ASB5: variants seen among roughly 807,000 people sequenced by gnomAD.
ASB5 encodes ankyrin repeat and SOCS box containing 5.
Under a neutral mutation model 42.1 loss-of-function variants are expected in ASB5, and 45 were observed. That is an observed-to-expected ratio of 1.07 (90% CI 0.84 to 1.37). The LOEUF (loss-of-function observed/expected upper bound fraction) is 1.37, where lower values mean the gene tolerates loss of function less well. Ranked by LOEUF, ASB5 falls within the 40% of genes most tolerant of loss-of-function variation. The pLI is 0.00. For synonymous variants in ASB5, 147 were observed against 150.6 expected (o/e 0.98, Z 0.18); for missense variants, 402 against 399.8 (o/e 1.01, Z -0.05).
intron 1 of ASB5, among the ~76,000 whole-genome samples, chr4:176,267,574 C>T (rs1048148133): frequency 2.0e-5 from 3 of 152,080 alleles, no homozygotes; most frequent in African/African-American, 7.2e-5. Context: ...TTGAGCCACT[C>T]CACTTCACTA....
intron 1 of ASB5, among the ~76,000 whole-genome samples, chr4:176,257,049 T>G (rs1056681899): frequency 1.3e-5 from 2 of 152,178 alleles, no homozygotes; most frequent in Admixed American, 6.5e-5. Flanking sequence ...GACATTAGAT[T>G]TTGTCTTTCA....
chr4:176,225,776 G>A (rs1382410701), intron 1 of ASB5, among the ~76,000 whole-genome samples: 1 of 152,100 alleles, frequency 6.6e-6, no homozygotes, highest in African/African-American at 2.4e-5. Context: ...TTTTAGTAGA[G>A]ACAGGGTTTC....
rs556133973 is a variant in ASB5, at chr4:176,266,426, ATAAT to A, written c.196+2483_196+2486del. On this transcript the variant is annotated intron_variant, in intron 1 of 6. Coordinates refer to ENST00000296525, the MANE Select transcript of ASB5 (RefSeq NM_080874.4). ...GAGGAAATTGCTGGATTAAACAGAGATAATTAAGCCTAATTAGTGACTTATAAAG... is the reference window on the plus strand; with the variant it reads ...GAGGAAATTGCTGGATTAAACAGAGATAAGCCTAATTAGTGACTTATAAAG... 3.0e-3 allele frequency among the ~76,000 whole-genome samples: 455 copies of A among 152,314 alleles called. 1 individual carries two copies. Among genetic ancestry groups the A allele is most frequent in the Non-Finnish European group, 5.2e-3 (357 of 68,026 alleles).
chr4:176,266,566 A>G (rs776546667), intron 1 of ASB5, among the ~76,000 whole-genome samples: 1 of 152,162 alleles, frequency 6.6e-6, no homozygotes, highest in Non-Finnish European at 1.5e-5. Context: ...GCTTAGAAGT[A>G]GAAGATTAAG....
intron 2 of ASB5, among the ~76,000 whole-genome samples, chr4:176,274,857 A>G (rs1263072610): frequency 6.6e-6 from 1 of 151,998 alleles, no homozygotes; most frequent in African/African-American, 2.4e-5. Flanking sequence ...ATGGGACTAC[A>G]TTAGAAGTGA....
intron 1 of ASB5, among the ~76,000 whole-genome samples, chr4:176,229,316 T>C (rs542884772): frequency 1.8e-4 from 28 of 152,352 alleles, no homozygotes; most frequent in Middle Eastern, 3.4e-3. Flanking sequence ...GGATTCATTC[T>C]GGACTCATTC....
At chr4:176,270,842 G>C (rs1754456242), upstream of ASB5, among the ~76,000 whole-genome samples, 1 of 152,174 alleles carries the variant, frequency 6.6e-6, no homozygotes, top group Admixed American at 6.6e-5. Flanking sequence ...CCCGTGGACA[G>C]CTGGGCCATC....
intron 1 of ASB5, among the ~76,000 whole-genome samples, chr4:176,245,231 G>T (rs1753886638): frequency 1.3e-5 from 2 of 152,246 alleles, no homozygotes; most frequent in South Asian, 4.1e-4. Flanking sequence ...CAAAAAGTGG[G>T]GAGAGGATAT....
At chr4:176,220,132 G>A (rs757976681) in intron 5 of ASB5, among the ~76,000 whole-genome samples, 5 of 152,166 alleles carry the variant, frequency 3.3e-5, no homozygotes, top group Admixed American at 6.5e-5. Flanking sequence ...CCCACAGGCC[G>A]CAGGTTGGAC....
intron 1 of ASB5, among the ~76,000 whole-genome samples, chr4:176,266,998 A>T (rs1754369967): frequency 6.6e-6 from 1 of 152,122 alleles, no homozygotes; most frequent in Admixed American, 6.6e-5. Flanking sequence ...TTATTTGAAA[A>T]TATGTACAAA....
intron 1 of ASB5, among the ~76,000 whole-genome samples, chr4:176,266,518 T>G (rs948850867): frequency 9.2e-5 from 14 of 152,256 alleles, no homozygotes; most frequent in African/African-American, 3.4e-4. Flanking sequence ...TGTTAAAATG[T>G]AGAAAGTAAT....
intron 1 of ASB5, among the ~76,000 whole-genome samples, chr4:176,231,266 T>C (rs1351823509): frequency 1.3e-5 from 2 of 152,034 alleles, no homozygotes; most frequent in Non-Finnish European, 2.9e-5. Flanking sequence ...AAAAATCACT[T>C]GTCATTTGCC....
chr4:176,249,987 C>T (rs1470231762), intron 1 of ASB5, among the ~76,000 whole-genome samples: 2 of 151,232 alleles, frequency 1.3e-5, no homozygotes, highest in Non-Finnish European at 2.9e-5. Context: ...ATGACATTAA[C>T]CCGGGAGGCG....
intron 1 of ASB5, among the ~76,000 whole-genome samples, chr4:176,233,314 A>G (rs1290479138): frequency 2.6e-5 from 4 of 152,192 alleles, no homozygotes; most frequent in Non-Finnish European, 1.5e-5. Context: ...TTTAGTAACA[A>G]TTATTACATG....
At chr4:176,251,794 T>C (rs1754041742) in intron 1 of ASB5, among the ~76,000 whole-genome samples, 1 of 151,338 alleles carries the variant, frequency 6.6e-6, no homozygotes. Context: ...AGGACCAGCA[T>C]GATTGCTCAC....
chr4:176,249,926 G>T (rs1271513751), intron 1 of ASB5, among the ~76,000 whole-genome samples: 2 of 151,534 alleles, frequency 1.3e-5, no homozygotes, highest in Non-Finnish European at 3.0e-5. Flanking sequence ...TTAGCCGGGC[G>T]TGGTGACGGG....
At chr4:176,244,826 A>G (rs1753878190) in intron 1 of ASB5, among the ~76,000 whole-genome samples, 1 of 152,166 alleles carries the variant, frequency 6.6e-6, no homozygotes, top group Non-Finnish European at 1.5e-5. Context: ...GTCGGGGCTT[A>G]TCCTGAGTAG....
upstream of ASB5, among the ~76,000 whole-genome samples, chr4:176,272,571 C>T (rs1754488655): frequency 6.6e-6 from 1 of 152,136 alleles, no homozygotes; most frequent in Non-Finnish European, 1.5e-5. Flanking sequence ...TATCAGAGGA[C>T]AGACTGTACA....
chr4:176,263,185 T>C (rs1484494717), intron 1 of ASB5, among the ~76,000 whole-genome samples: 3 of 152,150 alleles, frequency 2.0e-5, no homozygotes, highest in Non-Finnish European at 4.4e-5. Flanking sequence ...ATGTGATCTC[T>C]GCACATGCTG....
Sources: allele counts gnomAD v4.1 joint callset (sites outside exome capture counted in the v4.1 genomes callset), GRCh38; gene constraint gnomAD v4.1.1; transcripts MANE v1.5; gene names NCBI Gene and HGNC (gene_info 2026-07-23, HGNC 2026-07-21).